The following LDLRAD3 variants were observed in gnomAD, a reference collection of about 807,000 sequenced individuals.
The protein encoded by LDLRAD3 is low density lipoprotein receptor class A domain containing 3.
LDLRAD3 carries 20 observed loss-of-function variants against 29.4 expected under a neutral mutation model. The observed-to-expected ratio is 0.68, with a 90% confidence interval of 0.48 to 0.99. The LOEUF (loss-of-function observed/expected upper bound fraction) is 0.99. Among genes scored for constraint, LDLRAD3 ranks in the 50% least tolerant of loss-of-function variants. The probability of loss-of-function intolerance (pLI) is 0.00; values close to 1 mark genes in which losing one functional copy is unlikely to be tolerated. For synonymous variants in LDLRAD3, 157 were observed against 192.7 expected, an observed-to-expected ratio of 0.81 and a Z score of 1.53; for missense variants, 420 against 454.3, an observed-to-expected ratio of 0.92 and a Z score of 0.69.
rs548042703 is a variant in LDLRAD3, at chr11:36,053,122, A to G, written c.193+16873A>G. On this transcript the variant is annotated intron_variant, in intron 2 of 5. Transcript: ENST00000315571. ...TGTCCTTGCCGAAAACAAAGCAGCTATAAGTCTATTTTGTAAAAAATATCT... is the reference window on the plus strand; with the variant it reads ...TGTCCTTGCCGAAAACAAAGCAGCTGTAAGTCTATTTTGTAAAAAATATCT... Among the ~76,000 whole-genome samples the G allele has an allele frequency of 1.1e-4, 17 of 152,324 alleles. No homozygotes were observed. In the East Asian group the frequency reaches 1.7e-3, roughly 16 times the overall value.
At chr11:36,110,008 A>C (rs1853584672) in intron 4 of LDLRAD3, 1 of 152,264 alleles carries the variant, frequency 6.6e-6, no homozygotes, top group East Asian at 1.9e-4. Flanking sequence ...TTGAAAGCCC[A>C]GCTGGGCTGA....
At chr11:36,076,892 C>T (rs1853020194) in intron 2 of LDLRAD3, among the ~76,000 whole-genome samples, 2 of 151,616 alleles carry the variant, frequency 1.3e-5, no homozygotes, top group Admixed American at 1.3e-4. Context: ...ATACTGTTTT[C>T]CTGAGTTACT....
Position 36,098,468 on chromosome 11 carries a change from A to G in LDLRAD3, c.454+7A>G. On this transcript the variant is annotated splice_region_variant and intron_variant, in intron 4 of 5. Coordinates refer to ENST00000315571, the MANE Select transcript of LDLRAD3 (RefSeq NM_174902.4). ...AGCTGTGAAAGTTCTCAAGGTAGGAACCTCTCAAGCTCTAAAAAGATAATT... is the reference window on the plus strand; with the variant it reads ...AGCTGTGAAAGTTCTCAAGGTAGGAGCCTCTCAAGCTCTAAAAAGATAATT... 1 of 1,614,136 alleles carries G rather than the reference A, an allele frequency of 6.2e-7. No homozygotes were observed. Among genetic ancestry groups the G allele is most frequent in the Non-Finnish European group, 8.5e-7 (1 of 1,179,994 alleles).
At position 36,085,778 on chromosome 11, in the gene LDLRAD3, AT is replaced by A. The variant is rs796343049; in HGVS notation, c.319+4010del. Among the ~76,000 whole-genome samples the A allele has an allele frequency of 5.7e-3, 847 of 148,086 alleles. 6 individuals carry two copies. Among genetic ancestry groups the A allele is most frequent in the African/African-American group, 0.02 (790 of 40,434 alleles). On this transcript the variant is annotated intron_variant, in intron 3 of 5. Transcript: ENST00000315571. ...AGGCATGCACCACCATGCCTGGCTA[AT>A]TTTTTTTTTATTGTATTTTTTGTAG...
chr11:36,182,493 G>T (rs1193769563), intron 4 of LDLRAD3, among the ~76,000 whole-genome samples: 4 of 152,124 alleles, frequency 2.6e-5, no homozygotes, highest in Admixed American at 2.6e-4. Flanking sequence ...CAAAATTTTG[G>T]CATCATTTCA....
chr11:35,999,031 G>A (rs1025915372), intron 1 of LDLRAD3, among the ~76,000 whole-genome samples: 1 of 152,200 alleles, frequency 6.6e-6, no homozygotes, highest in Non-Finnish European at 1.5e-5. Flanking sequence ...CCCTGGATGT[G>A]TGATAACAAT....
At chr11:36,087,310 T>A (rs1048363163) in intron 3 of LDLRAD3, among the ~76,000 whole-genome samples, 6 of 152,216 alleles carry the variant, frequency 3.9e-5, no homozygotes, top group African/African-American at 1.4e-4. Context: ...GGCATTATTA[T>A]TTATTTTTAA....
intron 2 of LDLRAD3, among the ~76,000 whole-genome samples, chr11:36,056,481 T>C (rs938889450): frequency 6.6e-6 from 1 of 152,138 alleles, no homozygotes; most frequent in African/African-American, 2.4e-5. Flanking sequence ...AGCCAAGTTT[T>C]GAAAGCAGAC....
chr11:36,036,461 C>T (rs552824955), intron 2 of LDLRAD3, among the ~76,000 whole-genome samples: 19 of 152,244 alleles, frequency 1.2e-4, no homozygotes, highest in African/African-American at 2.2e-4. Context: ...GTGGAGCCAA[C>T]GCTTTGAGAG....
chr11:36,078,329 G>A (rs1232507744), intron 2 of LDLRAD3, among the ~76,000 whole-genome samples: 1 of 152,172 alleles, frequency 6.6e-6, no homozygotes, highest in Non-Finnish European at 1.5e-5. Context: ...TGGTGCCCAG[G>A]TTTGTACCAA....
At chr11:36,229,064 C>G (rs1190226893) in intron 5 of LDLRAD3, 96 bp from the exon 6 acceptor site, 2 of 814,954 alleles carry the variant, frequency 2.5e-6, no homozygotes, top group African/African-American at 1.7e-5. Flanking sequence ...GAAACACTGT[C>G]TCAGAAATGG....
chr11:36,076,836 G>C (rs747251327), intron 2 of LDLRAD3, among the ~76,000 whole-genome samples: 9 of 152,188 alleles, frequency 5.9e-5, no homozygotes, highest in Non-Finnish European at 8.8e-5. Flanking sequence ...CTAGTGTACA[G>C]TATTGTAGAT....
chr11:36,064,531 G>T (rs143159724), intron 2 of LDLRAD3, among the ~76,000 whole-genome samples: 13,859 of 147,070 alleles, frequency 0.094, 856 homozygotes, highest in Admixed American at 0.15. Context: ...TGTTGCCCAG[G>T]CTGGTCTCCA....
At chr11:36,106,038 G>A (rs1443369507) in intron 4 of LDLRAD3, among the ~76,000 whole-genome samples, 1 of 152,174 alleles carries the variant, frequency 6.6e-6, no homozygotes, top group Non-Finnish European at 1.5e-5. Flanking sequence ...GATGCTGTGT[G>A]GGAACTGGAC....
At chr11:36,206,888 C>A (rs1028703854) in intron 4 of LDLRAD3, among the ~76,000 whole-genome samples, 3 of 151,822 alleles carry the variant, frequency 2.0e-5, no homozygotes, top group Admixed American at 1.3e-4. Context: ...CCACCAAGCC[C>A]GGGTAATTTC....
At position 36,162,958 on chromosome 11, in the gene LDLRAD3, C is replaced by T. The variant is rs1293114258; in HGVS notation, c.455-64127C>T. Among the ~76,000 whole-genome samples the T allele has an allele frequency of 5.9e-5, 9 of 152,254 alleles. No homozygotes were observed. In the South Asian group the frequency reaches 1.9e-3, roughly 32 times the overall value. ...CTCAGCAGCTGTGATGTTCAGCAGGCCAAATACAGACCCAAGAGACCAAAC... is the reference window on the plus strand; with the variant it reads ...CTCAGCAGCTGTGATGTTCAGCAGGTCAAATACAGACCCAAGAGACCAAAC... On this transcript the variant is annotated intron_variant, in intron 4 of 5. Transcript: ENST00000315571.
intron 4 of LDLRAD3, among the ~76,000 whole-genome samples, chr11:36,131,667 G>C (rs1853927579): frequency 6.6e-6 from 1 of 152,212 alleles, no homozygotes; most frequent in South Asian, 2.1e-4. Context: ...GTAGCATTAA[G>C]TACTGAATTA....
chr11:36,186,273 A>G (rs1264781917), intron 4 of LDLRAD3, among the ~76,000 whole-genome samples: 1 of 152,228 alleles, frequency 6.6e-6, no homozygotes, highest in African/African-American at 2.4e-5. Flanking sequence ...AGGTACTTAG[A>G]GTATAATGCT....
chr11:35,991,387 C>G (rs1851687159), intron 1 of LDLRAD3, among the ~76,000 whole-genome samples: 1 of 152,122 alleles, frequency 6.6e-6, no homozygotes, highest in African/African-American at 2.4e-5. Context: ...CTGCAAGACT[C>G]TAAATGTCTT....
Sources: allele counts gnomAD v4.1 joint callset (sites outside exome capture counted in the v4.1 genomes callset), GRCh38; gene constraint gnomAD v4.1.1; transcripts MANE v1.5; gene names NCBI Gene and HGNC (gene_info 2026-07-23, HGNC 2026-07-21).